NSUN6: variants seen among roughly 807,000 people sequenced by gnomAD.
The protein encoded by NSUN6 is NOP2/Sun RNA methyltransferase 6.
NSUN6 carries 64 observed loss-of-function variants against 58.0 expected under a neutral mutation model. The observed-to-expected ratio is 1.10, with a 90% CI of 0.90 to 1.36. The LOEUF is 1.36. Among genes scored for constraint, NSUN6 ranks in the 40% most tolerant of loss-of-function variants. The pLI is 0.00. For missense variants in NSUN6, 701 were observed against 550.1 expected (o/e 1.27, Z -2.74); for synonymous variants, 231 against 193.9 (o/e 1.19, Z -1.59).
At chr10:18,601,539 A>G (rs528123622) in intron 6 of NSUN6, among the ~76,000 whole-genome samples, 3 of 152,242 alleles carry the variant, frequency 2.0e-5, no homozygotes, top group Non-Finnish European at 4.4e-5. Context: ...GGACTAAGAC[A>G]TAACAGTTAT....
chr10:18,585,982 C>A lies in NSUN6; in HGVS notation c.889G>T (p.Ala297Ser). 6.2e-7 allele frequency: 1 copy of A among 1,610,418 alleles called. No homozygotes were observed. Among genetic ancestry groups the A allele is most frequent in the Non-Finnish European group, 8.5e-7 (1 of 1,179,160 alleles). ...TCCTCCACCATATCAAGTTTAACCGCCTTTGTTCCATCAAAACAAAATGCC... is the reference window on the plus strand; with the variant it reads ...TCCTCCACCATATCAAGTTTAACCGACTTTGTTCCATCAAAACAAAATGCC... Reference protein sequence around the residue: ...IRAFCFDGTKAVKLDMVEDTE... With the variant: ...IRAFCFDGTKSVKLDMVEDTE... The change falls in exon 8 of 11, where the codon GCG becomes TCG. Residue 297 changes from alanine (A) to serine (S), a missense_variant. By Grantham distance (99) the Ala-to-Ser change is moderately conservative (BLOSUM62 1). Transcript: ENST00000377304.
chr10:18,645,157 CAA>C (rs71402191), intron 2 of NSUN6, among the ~76,000 whole-genome samples: 33,886 of 104,070 alleles, frequency 0.33, 3,338 homozygotes, highest in East Asian at 0.58. Flanking sequence ...GACTCCCTCT[CAA>C]AAAAAAAAAA....
chr10:18,642,190 C>A (rs954100216), intron 3 of NSUN6, among the ~76,000 whole-genome samples: 1 of 151,602 alleles, frequency 6.6e-6, no homozygotes, highest in Non-Finnish European at 1.5e-5. Context: ...TACAAGTAAA[C>A]AAATGAAATA....
upstream of NSUN6, chr10:18,651,701 G>A (rs1052816275): frequency 2.2e-5 from 22 of 985,696 alleles, no homozygotes; most frequent in Non-Finnish European, 2.5e-5. Flanking sequence ...ACAGCCGCAA[G>A]TTTCCCCAAC....
chr10:18,628,425 GAGA>G lies in NSUN6; in HGVS notation c.312-12135_312-12133del, dbSNP rs1281783943. Among the ~76,000 whole-genome samples, 71 of 152,344 alleles carry G rather than the reference GAGA, an allele frequency of 4.7e-4. 1 individual carries two copies. The Middle Eastern group carries it at 0.01, about 22-fold the overall frequency. ...ATGGAGAATGACTTTGAGGAGCTGA[GAGA>G]AGAAGGCTTCAGACGACCAAATTAC... On this transcript the variant is annotated intron_variant, in intron 3 of 10. Coordinates refer to ENST00000377304, the MANE Select transcript of NSUN6 (RefSeq NM_182543.5).
intron 2 of NSUN6, among the ~76,000 whole-genome samples, chr10:18,647,826 C>G (rs2059593616): frequency 1.3e-5 from 2 of 149,482 alleles, no homozygotes; most frequent in African/African-American, 4.9e-5. Flanking sequence ...CCTCCACCTC[C>G]CGGGTTCAAG....
intron 3 of NSUN6, among the ~76,000 whole-genome samples, chr10:18,631,592 C>T (rs1448436674): frequency 7.3e-6 from 1 of 136,812 alleles, no homozygotes; most frequent in Admixed American, 7.7e-5. Flanking sequence ...AAATCACAAG[C>T]ATTCTTATAC....
chr10:18,577,131 AT>A (rs1332164375), intron 8 of NSUN6, among the ~76,000 whole-genome samples: 1 of 152,246 alleles, frequency 6.6e-6, no homozygotes, highest in African/African-American at 2.4e-5. Context: ...TGTTAAAGGA[AT>A]AGCTGAGCAA....
At chr10:18,594,198 A>AG (rs1406392350) in intron 7 of NSUN6, among the ~76,000 whole-genome samples, 2 of 123,678 alleles carry the variant, frequency 1.6e-5, no homozygotes, top group East Asian at 9.1e-4. Flanking sequence ...CAAGACTCTG[A>AG]GAAAAAAAAA....
At chr10:18,566,534 CCTG>C (rs2055965305) in intron 8 of NSUN6, among the ~76,000 whole-genome samples, 1 of 149,148 alleles carries the variant, frequency 6.7e-6, no homozygotes, top group Non-Finnish European at 1.5e-5. Flanking sequence ...ATTCTACATT[CCTG>C]TCCAATCCAT....
chr10:18,607,278 C>T (rs1269971712), intron 6 of NSUN6, among the ~76,000 whole-genome samples: 2 of 152,156 alleles, frequency 1.3e-5, no homozygotes, highest in African/African-American at 4.8e-5. Flanking sequence ...AAATGTGAAA[C>T]TTGTTCTATT....
intron 8 of NSUN6, 43 bp from the exon 9 acceptor site, chr10:18,552,014 G>T (rs759667439): frequency 1.6e-6 from 2 of 1,229,442 alleles, no homozygotes; most frequent in Non-Finnish European, 2.3e-6. Context: ...TTCCATATAG[G>T]TTTAAACTAG....
At chr10:18,554,457 TG>T (rs1301027725) in intron 8 of NSUN6, among the ~76,000 whole-genome samples, 1 of 147,300 alleles carries the variant, frequency 6.8e-6, no homozygotes, top group Non-Finnish European at 1.5e-5. Flanking sequence ...AACAATGGAA[TG>T]GGGAATGGAA....
intron 10 of NSUN6, among the ~76,000 whole-genome samples, chr10:18,546,525 G>A (rs964648999): frequency 6.6e-5 from 10 of 152,114 alleles, no homozygotes; most frequent in Non-Finnish European, 1.0e-4. Context: ...CTTAAGTAAC[G>A]AAGGTGGTAT....
At chr10:18,657,136 T>C (rs750725582), upstream of NSUN6, among the ~76,000 whole-genome samples, 16 of 152,140 alleles carry the variant, frequency 1.1e-4, no homozygotes, top group Non-Finnish European at 1.9e-4. Flanking sequence ...CCTAATGTAA[T>C]TGAAAGTATT....
At chr10:18,583,146 G>A (rs1341954857) in intron 8 of NSUN6, among the ~76,000 whole-genome samples, 3 of 152,114 alleles carry the variant, frequency 2.0e-5, no homozygotes, top group African/African-American at 7.2e-5. Flanking sequence ...GCCCTACCTT[G>A]GCTGATCAGT....
intron 7 of NSUN6, among the ~76,000 whole-genome samples, chr10:18,586,888 A>T (rs895563469): frequency 6.6e-6 from 1 of 152,122 alleles, no homozygotes; most frequent in African/African-American, 2.4e-5. Flanking sequence ...CACAGTGCTG[A>T]TTGGTGCATT....
rs150824509 is a variant in NSUN6, at chr10:18,545,998, G to A, written c.1345C>T (p.Arg449Cys). Residue 449 changes from arginine (R) to cysteine (C), a missense_variant, in exon 11 of 11, where the codon CGT becomes TGT. Transcript: ENST00000377304. ...LREARREDML[R>C]LANKDSIGFF... ...CCTATAGAGTCCTTATTAGCCAGAC[G>A]CAACATGTCTTCTCTTCTGGCCTCT... 718 of 1,581,210 alleles carry A rather than the reference G, an allele frequency of 4.5e-4. 6 individuals carry two copies. In the East Asian group the frequency reaches 8.0e-3, roughly 18 times the overall value.
chr10:18,627,847 G>A (rs964028835), intron 3 of NSUN6, among the ~76,000 whole-genome samples: 9 of 152,248 alleles, frequency 5.9e-5, no homozygotes, highest in African/African-American at 1.7e-4. Context: ...GCCAGCCATT[G>A]CCCAGGCTTG....
Sources: gnomAD v4.1 joint callset for allele counts (sites outside exome capture counted in the v4.1 genomes callset) on GRCh38, gnomAD v4.1.1 for gene constraint, MANE v1.5 for transcripts, NCBI Gene and HGNC (gene_info 2026-07-23, HGNC 2026-07-21) for gene names.